The following NREP variants were observed in gnomAD, a reference collection of about 807,000 sequenced individuals.
NREP encodes the protein neuronal regeneration-related protein.
NREP carries 5 observed loss-of-function variants against 8.6 expected under a neutral mutation model. The observed-to-expected ratio is 0.58, with a 90% CI of 0.30 to 1.22. The LOEUF is 1.22. NREP is among the 50% of genes most tolerant of loss of function. The pLI, the probability that NREP is intolerant of heterozygous loss-of-function variation, is 0.07. For missense variants in NREP, 86 were observed against 82.5 expected, an observed-to-expected ratio of 1.04 and a Z score of -0.17; for synonymous variants, 27 against 28.0, an observed-to-expected ratio of 0.96 and a Z score of 0.11.
chr5:111,895,513 G>T (rs1340153661), intron 2 of NREP, among the ~76,000 whole-genome samples: 2 of 152,114 alleles, frequency 1.3e-5, no homozygotes, highest in Non-Finnish European at 2.9e-5. Flanking sequence ...TAGTGAATTT[G>T]CCAGGCAGAG....
intron 2 of NREP, among the ~76,000 whole-genome samples, chr5:111,964,042 T>C (rs1756558197): frequency 6.6e-6 from 1 of 152,236 alleles, no homozygotes; most frequent in Non-Finnish European, 1.5e-5. Flanking sequence ...AGAATATTGT[T>C]AGTCCCAGGG....
At chr5:111,918,376 C>T (rs1301569281) in intron 2 of NREP, among the ~76,000 whole-genome samples, 1 of 152,142 alleles carries the variant, frequency 6.6e-6, no homozygotes, top group Non-Finnish European at 1.5e-5. Context: ...TATATGAAAC[C>T]AGAAAAGCAC....
At chr5:111,919,973 ACCCC>A (rs34120230) in intron 2 of NREP, among the ~76,000 whole-genome samples, 8,402 of 127,506 alleles carry the variant, frequency 0.066, 804 homozygotes, top group East Asian at 0.31. Flanking sequence ...TAAAAAGAAT[ACCCC>A]CCCCCCCCAC....
chr5:111,809,552 T>C (rs1752221435), intron 2 of NREP, among the ~76,000 whole-genome samples: 1 of 152,176 alleles, frequency 6.6e-6, no homozygotes, highest in Non-Finnish European at 1.5e-5. Flanking sequence ...CTTGTGAGAA[T>C]GGATCAGTTT....
chr5:111,799,785 G>T (rs6594544), intron 2 of NREP, among the ~76,000 whole-genome samples: 10,142 of 152,226 alleles, frequency 0.067, 1,048 homozygotes, highest in African/African-American at 0.23. Flanking sequence ...GAAATTATTT[G>T]TAACTAAGAC....
chr5:111,775,616 A>C (rs1751339695), intron 2 of NREP, among the ~76,000 whole-genome samples: 1 of 152,170 alleles, frequency 6.6e-6, no homozygotes, highest in African/African-American at 2.4e-5. Flanking sequence ...GTATATTTAG[A>C]GCATAATTTT....
At chr5:111,883,573 G>A (rs1754147390) in intron 2 of NREP, among the ~76,000 whole-genome samples, 1 of 152,150 alleles carries the variant, frequency 6.6e-6, no homozygotes, top group East Asian at 1.9e-4. Flanking sequence ...ATACTTGGAA[G>A]TAAAGCCCTC....
At chr5:111,786,943 G>C (rs1297213483) in intron 2 of NREP, among the ~76,000 whole-genome samples, 1 of 152,178 alleles carries the variant, frequency 6.6e-6, no homozygotes, top group African/African-American at 2.4e-5. Flanking sequence ...CCTATTTAAG[G>C]TCAGGTACTA....
intron 2 of NREP, among the ~76,000 whole-genome samples, chr5:111,817,583 A>G (rs964475656): frequency 1.3e-5 from 2 of 152,130 alleles, no homozygotes; most frequent in African/African-American, 4.8e-5. Context: ...AGGTGGGTGG[A>G]TCACGAGGTC....
At chr5:111,890,696 G>A (rs1754372342) in intron 2 of NREP, among the ~76,000 whole-genome samples, 1 of 152,212 alleles carries the variant, frequency 6.6e-6, no homozygotes, top group Non-Finnish European at 1.5e-5. Context: ...ACCATCTGAA[G>A]CAGTGGCTTA....
intron 2 of NREP, among the ~76,000 whole-genome samples, chr5:111,800,601 G>T (rs929932591): frequency 1.3e-5 from 2 of 152,220 alleles, no homozygotes; most frequent in Admixed American, 1.3e-4. Flanking sequence ...CATTAGCCCA[G>T]AATTCCAGTG....
intron 3 of NREP, among the ~76,000 whole-genome samples, chr5:111,731,478 A>G (rs1748569574): frequency 6.6e-6 from 1 of 151,520 alleles, no homozygotes; most frequent in Admixed American, 6.6e-5. Flanking sequence ...ACGGGTTAAC[A>G]ATCTATTTTC....
At chr5:111,884,202 G>A (rs369023329) in intron 2 of NREP, among the ~76,000 whole-genome samples, 3 of 151,306 alleles carry the variant, frequency 2.0e-5, no homozygotes, top group East Asian at 3.9e-4. Context: ...ACACCTCTAC[G>A]CAAATAAACT....
chr5:111,799,694 G>T (rs533793083), intron 2 of NREP, among the ~76,000 whole-genome samples: 12 of 152,252 alleles, frequency 7.9e-5, no homozygotes, highest in South Asian at 6.2e-4. Flanking sequence ...AGTTATTTCC[G>T]ATTTAAGGCT....
At chr5:111,778,720 G>C (rs1325681720) in intron 2 of NREP, among the ~76,000 whole-genome samples, 1 of 152,146 alleles carries the variant, frequency 6.6e-6, no homozygotes, top group Admixed American at 6.6e-5. Flanking sequence ...AAAAAGCAGA[G>C]ATTTCTTCAG....
chr5:111,867,079 G>A (rs1484719332), intron 2 of NREP, among the ~76,000 whole-genome samples: 2 of 151,050 alleles, frequency 1.3e-5, no homozygotes, highest in African/African-American at 4.9e-5. Flanking sequence ...ACACCAACAT[G>A]GCACATGTAT....
rs575823060 is a variant in NREP at position 111,750,354 on chromosome 5, T to C, written c.3+5416A>G. Reference sequence around the variant, plus strand: ...CTTAATAAAAGCATAGTACTTACTCTCAAGGAGCAAATAGTCCACTTCTAG... The same window carrying C: ...CTTAATAAAAGCATAGTACTTACTCCCAAGGAGCAAATAGTCCACTTCTAG... On this transcript the variant is annotated intron_variant, in intron 2 of 3. Coordinates refer to ENST00000257435, the MANE Select transcript of NREP (RefSeq NM_004772.4). 4.6e-5 allele frequency among the ~76,000 whole-genome samples: 7 copies of C among 152,322 alleles called. 1 individual carries two copies. The highest frequency in any genetic ancestry group is 1.7e-4 in the African/African-American group (7 of 41,572).
intron 2 of NREP, among the ~76,000 whole-genome samples, chr5:111,941,071 A>G (rs1358272444): frequency 6.6e-6 from 1 of 152,062 alleles, no homozygotes; most frequent in African/African-American, 2.4e-5. Context: ...GCTGGGAGAA[A>G]CCACAGAATA....
chr5:111,922,994 T>A (rs539008169), intron 2 of NREP, among the ~76,000 whole-genome samples: 1 of 152,294 alleles, frequency 6.6e-6, no homozygotes, highest in South Asian at 2.1e-4. Flanking sequence ...TCCTTTACAA[T>A]GCATTACTGC....
Sources: allele counts gnomAD v4.1 joint callset (sites outside exome capture counted in the v4.1 genomes callset), GRCh38; gene constraint gnomAD v4.1.1; transcripts MANE v1.5; gene names NCBI Gene and HGNC (gene_info 2026-07-23, HGNC 2026-07-21).